The following RHOU variants were observed in gnomAD, a reference collection of about 807,000 sequenced individuals.
RHOU encodes the protein ras homolog family member U, also known as rho-related GTP-binding protein RhoU.
A neutral mutation model predicts 12.6 loss-of-function variants in RHOU; 8 were observed. The ratio of observed to expected loss-of-function variants is 0.64; its 90% CI spans 0.37 to 1.15. The LOEUF is 1.15. RHOU is among the 50% of genes most tolerant of loss of function. The pLI is 0.01. For synonymous variants in RHOU, 161 were observed against 147.4 expected, an observed-to-expected ratio of 1.09 and a Z score of -0.67; for missense variants, 258 against 347.0, an observed-to-expected ratio of 0.74 and a Z score of 2.04.
At chr1:228,663,962 C>T in the RHOU span, among the ~76,000 whole-genome samples, 2 of 111,160 alleles carry the variant, frequency 1.8e-5, no homozygotes, top group South Asian at 7.2e-4. Context: ...TTCTTCTCCC[C>T]TCCCCTCCCC....
the RHOU span, among the ~76,000 whole-genome samples, chr1:228,661,929 A>G: frequency 6.6e-6 from 1 of 152,232 alleles, no homozygotes; most frequent in African/African-American, 2.4e-5. Flanking sequence ...CAATCTACCC[A>G]TCTGACAAAG....
At chr1:228,663,630 T>TTTTCTTTC in the RHOU span, among the ~76,000 whole-genome samples, 1 of 55,484 alleles carries the variant, frequency 1.8e-5, no homozygotes, top group Non-Finnish European at 3.1e-5. Context: ...CTTTTCTTTT[T>TTTTCTTTC]TTTTTTTTTT....
chr1:228,708,024 G>A, the RHOU span, among the ~76,000 whole-genome samples: 1 of 152,176 alleles, frequency 6.6e-6, no homozygotes, highest in South Asian at 2.1e-4. Context: ...GAAGCCTCAG[G>A]AGCTGATGTG....
chr1:228,662,499 C>T, the RHOU span, among the ~76,000 whole-genome samples: 1 of 152,050 alleles, frequency 6.6e-6, no homozygotes, highest in Admixed American at 6.6e-5. Flanking sequence ...TACTATGCTG[C>T]CACAAAAAAG....
At chr1:228,723,176 T>G in the RHOU span, among the ~76,000 whole-genome samples, 1 of 152,220 alleles carries the variant, frequency 6.6e-6, no homozygotes, top group East Asian at 1.9e-4. Context: ...TTGGTCCTCA[T>G]GCCAGTTTCG....
At chr1:228,723,616 G>A in the RHOU span, among the ~76,000 whole-genome samples, 1 of 152,222 alleles carries the variant, frequency 6.6e-6, no homozygotes, top group East Asian at 1.9e-4. Context: ...ATCAAAGGTT[G>A]CCGTCAGGCT....
At chr1:228,732,068 C>T (rs1662510339), upstream of RHOU, among the ~76,000 whole-genome samples, 1 of 152,116 alleles carries the variant, frequency 6.6e-6, no homozygotes, top group African/African-American at 2.4e-5. Flanking sequence ...TACAACTGTC[C>T]ATGTTTTGAG....
the RHOU span, among the ~76,000 whole-genome samples, chr1:228,665,434 C>T: frequency 6.6e-6 from 1 of 152,344 alleles, no homozygotes; most frequent in Admixed American, 6.5e-5. Context: ...GCTCCTACTG[C>T]TCTGGTTCTG....
the RHOU span, among the ~76,000 whole-genome samples, chr1:228,724,166 C>A: frequency 7.2e-5 from 11 of 152,172 alleles, no homozygotes; most frequent in Non-Finnish European, 1.5e-4. Context: ...CAACTACTCT[C>A]GGCCTCACAT....
chr1:228,731,089 GA>G (rs1662487844), upstream of RHOU, among the ~76,000 whole-genome samples: 6 of 152,180 alleles, frequency 3.9e-5, no homozygotes, highest in South Asian at 8.3e-4. Flanking sequence ...TAACTTGATG[GA>G]AAAAATCCTA....
the RHOU span, among the ~76,000 whole-genome samples, chr1:228,670,624 C>T: frequency 6.6e-6 from 1 of 152,200 alleles, no homozygotes; most frequent in Non-Finnish European, 1.5e-5. Flanking sequence ...TGGATGAGAT[C>T]TTCCTACTTC....
the RHOU span, chr1:228,650,268 G>T: frequency 5.2e-5 from 24 of 461,036 alleles, no homozygotes; most frequent in East Asian, 1.4e-3. Flanking sequence ...GGTCGCTGGC[G>T]CCAGTGTGCA....
At chr1:228,667,494 C>T in the RHOU span, among the ~76,000 whole-genome samples, 4 of 152,128 alleles carry the variant, frequency 2.6e-5, no homozygotes, top group Non-Finnish European at 4.4e-5. Context: ...CAGAAGCAGT[C>T]GGGGATGTAG....
At chr1:228,666,002 G>A in the RHOU span, among the ~76,000 whole-genome samples, 3 of 151,890 alleles carry the variant, frequency 2.0e-5, no homozygotes, top group Non-Finnish European at 4.4e-5. Context: ...CTCTCACCAA[G>A]GCTGGAGTGC....
At chr1:228,650,195 C>G in the RHOU span, 1 of 456,794 alleles carries the variant, frequency 2.2e-6, no homozygotes, top group Non-Finnish European at 4.4e-6. Context: ...GCTGCAGCCC[C>G]ATGGGTCGCC....
In RHOU at chr1:228,736,260, C is replaced by CAAAAA. The variant is rs1204392489; in HGVS notation, c.262+272_262+276dup. 8.2e-3 allele frequency among the ~76,000 whole-genome samples: 575 copies of CAAAAA among 69,972 alleles called. 5 individuals are homozygous for CAAAAA. Among genetic ancestry groups the CAAAAA allele is most frequent in the East Asian group, 0.037 (69 of 1,870 alleles). 45.9% of individuals were successfully genotyped at this position (69,972 alleles called of 152,430 possible). On this transcript the variant is annotated intron_variant, in intron 1 of 2. Transcript: ENST00000366691. ...GGCGGAGCGGCAGTCAGAGCCTTGC[C>CAAAAA]AAAAAAAAAAAAAAAAAAAATCTCA...
chr1:228,736,231 G>C (rs1662607807), intron 1 of RHOU, among the ~76,000 whole-genome samples: 1 of 148,270 alleles, frequency 6.7e-6, no homozygotes, highest in Non-Finnish European at 1.5e-5. Flanking sequence ...CTTGGAGAGA[G>C]GAGGGCGGAG....
At position 228,735,602 on chromosome 1, in the gene RHOU, C is replaced by T; in HGVS notation, c.-141C>T. 1 of 615,400 alleles carries T rather than the reference C, an allele frequency of 1.6e-6. No homozygotes were observed. Among genetic ancestry groups the T allele is most frequent in the East Asian group, 4.9e-5 (1 of 20,536 alleles). 38.1% of individuals were successfully genotyped at this position (615,400 alleles called of 1,614,324 possible). A position where few individuals can be genotyped will look rare whatever the true frequency, so the allele number is the denominator to read the frequency against. On this transcript the variant is annotated 5_prime_UTR_variant, in exon 1 of 3. Transcript: ENST00000366691. The surrounding 1 kb of genome is among the most constrained non-coding windows in gnomAD (Gnocchi z 8.1). ...CCGCCTTTGTCTACTGGCCGTGCGG[C>T]CCGGAACCGCCACTCTCCAGGGCCG... is the stretch of plus-strand genomic sequence containing the variant.
At chr1:228,685,030 AAAC>A in the RHOU span, among the ~76,000 whole-genome samples, 1 of 152,200 alleles carries the variant, frequency 6.6e-6, no homozygotes, top group Non-Finnish European at 1.5e-5. Flanking sequence ...ATGATATTCT[AAAC>A]AACGGGTGCA....
Sources: allele counts gnomAD v4.1 joint callset (sites outside exome capture counted in the v4.1 genomes callset), GRCh38; gene constraint gnomAD v4.1.1; non-coding constraint Gnocchi (gnomAD v3.1); transcripts MANE v1.5; gene names NCBI Gene and HGNC (gene_info 2026-07-23, HGNC 2026-07-21).